LRMDA: variants seen among roughly 807,000 people sequenced by gnomAD.
The protein encoded by LRMDA is leucine-rich melanocyte differentiation-associated protein.
A neutral mutation model predicts 29.8 loss-of-function variants in LRMDA; 18 were observed. That is an observed-to-expected ratio of 0.60 (90% CI 0.42 to 0.90). The LOEUF (loss-of-function observed/expected upper bound fraction) is 0.90. Among genes scored for constraint, LRMDA ranks in the 40% least tolerant of loss-of-function variants. The pLI, the probability that LRMDA is intolerant of heterozygous loss-of-function variation, is 0.00. For synonymous variants in LRMDA, 125 were observed against 109.4 expected (o/e 1.14, Z -0.89); for missense variants, 273 against 273.9 (o/e 1.00, Z 0.02).
rs188378117 is a variant in LRMDA at position 76,192,512 on chromosome 10, A to C, written c.517-131889A>C. 9.2e-5 allele frequency among the ~76,000 whole-genome samples: 14 copies of C among 152,344 alleles called. No individual in the cohort carries two copies. The East Asian group carries it at 2.7e-3, about 29-fold the overall frequency. On this transcript the variant is annotated intron_variant, in intron 5 of 6. Coordinates refer to ENST00000611255, the MANE Select transcript of LRMDA (RefSeq NM_001305581.2). ...GATCAGCCCTGGCTATTTCAATGCC[A>C]ATCATCTTGAGGTATACCAGCTATT...
At chr10:75,687,731 T>C (rs887700300) in intron 2 of LRMDA, among the ~76,000 whole-genome samples, 2 of 152,184 alleles carry the variant, frequency 1.3e-5, no homozygotes, top group African/African-American at 4.8e-5. Context: ...AGGACTTTCA[T>C]AGCAAGAGAG....
intron 2 of LRMDA, among the ~76,000 whole-genome samples, chr10:75,735,358 C>T (rs1842749516): frequency 6.6e-6 from 1 of 152,192 alleles, no homozygotes; most frequent in South Asian, 2.1e-4. Context: ...CATAATCCTG[C>T]AGCTAGCTTT....
At chr10:75,515,380 A>T (rs562759318) in intron 2 of LRMDA, among the ~76,000 whole-genome samples, 14 of 152,224 alleles carry the variant, frequency 9.2e-5, no homozygotes, top group Admixed American at 5.2e-4. Context: ...AATTAAAAAA[A>T]TTTTATTTTA....
rs535690294 is a variant in LRMDA, at chr10:75,749,041, A to T, written c.132-286967A>T. On this transcript the variant is annotated intron_variant, in intron 2 of 6. Coordinates refer to ENST00000611255, the MANE Select transcript of LRMDA (RefSeq NM_001305581.2). ...CACTTATATGTGGATTTTTTTTCCA[A>T]CTCTGCTGCCCCTGAGACAACAAGA... 5.9e-5 allele frequency among the ~76,000 whole-genome samples: 9 copies of T among 151,942 alleles called. No individual in the cohort carries two copies. The South Asian group carries it at 6.2e-4, about 11-fold the overall frequency.
chr10:75,633,431 T>C (rs1372685806), intron 2 of LRMDA, among the ~76,000 whole-genome samples: 1 of 152,244 alleles, frequency 6.6e-6, no homozygotes, highest in Non-Finnish European at 1.5e-5. Context: ...TGTGTGGGTT[T>C]GTATTCTTTA....
intron 6 of LRMDA, among the ~76,000 whole-genome samples, chr10:76,475,623 T>A (rs1268074347): frequency 6.6e-6 from 1 of 152,060 alleles, no homozygotes; most frequent in Non-Finnish European, 1.5e-5. Context: ...ACCACACTTA[T>A]TCCAAAATTA....
At chr10:75,509,498 C>T (rs570691528) in intron 2 of LRMDA, among the ~76,000 whole-genome samples, 1 of 152,238 alleles carries the variant, frequency 6.6e-6, no homozygotes, top group African/African-American at 2.4e-5. Context: ...CTGAGAGTTA[C>T]AGAATACTGA....
At chr10:75,974,060 A>G (rs1278541596) in intron 2 of LRMDA, among the ~76,000 whole-genome samples, 1 of 152,146 alleles carries the variant, frequency 6.6e-6, no homozygotes, top group Non-Finnish European at 1.5e-5. Flanking sequence ...TACAAACAAC[A>G]CATTTTTCAC....
At chr10:75,716,704 T>C (rs1360588315) in intron 2 of LRMDA, among the ~76,000 whole-genome samples, 2 of 152,192 alleles carry the variant, frequency 1.3e-5, no homozygotes, top group African/African-American at 4.8e-5. Context: ...CCTCCCTGCC[T>C]CCTTCTCATG....
intron 5 of LRMDA, among the ~76,000 whole-genome samples, chr10:76,106,565 A>G (rs1213525953): frequency 2.0e-5 from 3 of 152,190 alleles, no homozygotes; most frequent in Non-Finnish European, 2.9e-5. Flanking sequence ...AGTCCGTCAC[A>G]AGCATCTATG....
chr10:75,819,510 T>A (rs1374753288), intron 2 of LRMDA, among the ~76,000 whole-genome samples: 1 of 152,218 alleles, frequency 6.6e-6, no homozygotes, highest in Non-Finnish European at 1.5e-5. Context: ...CTCAGATACC[T>A]TTAAAATTGC....
intron 5 of LRMDA, among the ~76,000 whole-genome samples, chr10:76,193,246 G>T (rs919782568): frequency 1.3e-5 from 2 of 152,184 alleles, no homozygotes; most frequent in African/African-American, 2.4e-5. Flanking sequence ...CATCGCAGGG[G>T]ATAGTGCTCC....
intron 2 of LRMDA, among the ~76,000 whole-genome samples, chr10:75,894,996 C>G (rs575879306): frequency 3.9e-5 from 6 of 152,178 alleles, no homozygotes; most frequent in African/African-American, 1.4e-4. Context: ...GTTTCCTGGC[C>G]TGGAGGGTAG....
At chr10:75,922,441 G>A (rs191521276) in intron 2 of LRMDA, among the ~76,000 whole-genome samples, 1 of 152,174 alleles carries the variant, frequency 6.6e-6, no homozygotes, top group Non-Finnish European at 1.5e-5. Flanking sequence ...ATCTGTCCTT[G>A]TTGGGAGCCC....
chr10:75,702,949 A>G (rs570149473), intron 2 of LRMDA, among the ~76,000 whole-genome samples: 7 of 152,188 alleles, frequency 4.6e-5, no homozygotes, highest in Non-Finnish European at 8.8e-5. Context: ...TGAAATGTAA[A>G]TATCTCCTGA....
chr10:75,784,703 G>GA lies in LRMDA; in HGVS notation c.132-251290dup, dbSNP rs373995294. On this transcript the variant is annotated intron_variant, in intron 2 of 6. Transcript: ENST00000611255. The stretch of plus-strand genomic sequence containing the variant: ...GGCGACAGAGCGAGACTCCATCTCA[G>GA]AAAAAAAAAAAAAAAGAAACAAAGG... 6.3e-3 allele frequency among the ~76,000 whole-genome samples: 636 copies of GA among 100,328 alleles called. 1 individual carries two copies. Among genetic ancestry groups the GA allele is most frequent in the Middle Eastern group, 0.041 (6 of 148 alleles). The allele number at this position is 100,328 out of a possible 152,430, so 65.8% of individuals were successfully genotyped here.
intron 5 of LRMDA, among the ~76,000 whole-genome samples, chr10:76,121,069 T>C (rs949458468): frequency 2.6e-5 from 4 of 151,984 alleles, no homozygotes; most frequent in Admixed American, 6.6e-5. Context: ...TTAGTTGATA[T>C]TGAAATGTTT....
chr10:75,766,079 G>A (rs761133617), intron 2 of LRMDA, among the ~76,000 whole-genome samples: 13 of 152,200 alleles, frequency 8.5e-5, no homozygotes, highest in Non-Finnish European at 1.8e-4. Context: ...AAGTGCTTCA[G>A]GCTTCTGTAC....
chr10:76,361,182 G>A (rs371098880), intron 6 of LRMDA, among the ~76,000 whole-genome samples: 1 of 151,938 alleles, frequency 6.6e-6, no homozygotes, highest in East Asian at 1.9e-4. Context: ...AGCTGCTTGA[G>A]CCTGGGAGGC....
Sources: allele counts gnomAD v4.1 joint callset (sites outside exome capture counted in the v4.1 genomes callset), GRCh38; gene constraint gnomAD v4.1.1; transcripts MANE v1.5; gene names NCBI Gene and HGNC (gene_info 2026-07-23, HGNC 2026-07-21).